FAM9A: variants seen among roughly 807,000 people sequenced by gnomAD.
The protein encoded by FAM9A is protein FAM9A.
A neutral mutation model predicts 25.0 loss-of-function variants in FAM9A; 49 were observed. The ratio of observed to expected loss-of-function variants is 1.96; its 90% CI spans 1.56 to 2.48. FAM9A has a LOEUF of 2.48. Among genes scored for constraint, FAM9A ranks in the 30% most tolerant of loss-of-function variants. The pLI, the probability that FAM9A is intolerant of heterozygous loss-of-function variation, is 0.00. For missense variants in FAM9A, 266 were observed against 249.3 expected, an observed-to-expected ratio of 1.07 and a Z score of -0.45; for synonymous variants, 80 against 85.1, an observed-to-expected ratio of 0.94 and a Z score of 0.33.
chrX:8,792,291 G>A (rs867799884), intron 8 of FAM9A, among the ~76,000 whole-genome samples: 30 of 110,782 alleles, frequency 2.7e-4, no homozygotes, highest in African/African-American at 9.9e-4. Flanking sequence ...GGAAGGGCTA[G>A]GAAGCATTTT....
At chrX:8,800,744 A>G (rs865853875) in intron 1 of FAM9A, among the ~76,000 whole-genome samples, 1 of 12,259 alleles carries the variant, frequency 8.2e-5, no homozygotes. Context: ...CCATCCCCTC[A>G]CCCCACGAAC....
chrX:8,800,276 G>T, intron 1 of FAM9A, 67 bp from the exon 2 acceptor site: 1 of 1,000,394 alleles, frequency 1.0e-6, no homozygotes. Flanking sequence ...GAGCCAACGG[G>T]ATCTCGGATT....
chrX:8,793,764 C>T lies in FAM9A; in HGVS notation c.832-8G>A, dbSNP rs1933495583. On this transcript the variant is annotated splice_region_variant and splice_polypyrimidine_tract_variant and intron_variant, in intron 7 of 9. Coordinates refer to ENST00000381003, the MANE Select transcript of FAM9A (RefSeq NM_174951.3). ...TTTTTCTTGAAATGCTTTCTAGAAG[C>T]ACAAAAAAATAGTGATGAAAATTGG... 1 of 1,161,176 alleles carries T rather than the reference C, an allele frequency of 8.6e-7. No homozygotes were observed. The highest frequency in any genetic ancestry group is 1.8e-5 in the South Asian group (1 of 54,092).
rs754119866 is a variant in FAM9A at position 8,795,268 on chromosome X, GCTGCTGCTGCTGCGGCTT to G, written c.623_640del (p.Glu208_Ala213del). ...TTCGTCTTCTACTACTATTACTTCT[GCTGCTGCTGCTGCGGCTT>G]CTGCTGCTGCTGCGGCTTCTGCTGC... On this transcript the variant is annotated inframe_deletion, in exon 7 of 10. Coordinates refer to ENST00000381003, the MANE Select transcript of FAM9A (RefSeq NM_174951.3). 1,496 of 1,127,860 alleles carry G rather than the reference GCTGCTGCTGCTGCGGCTT, an allele frequency of 1.3e-3. 3 individuals are homozygous for G. Among genetic ancestry groups the G allele is most frequent in the East Asian group, 7.5e-3 (244 of 32,448 alleles). The allele number at this position is 1,127,860 out of a possible 1,213,427, so 92.9% of individuals were successfully genotyped here. A position where few individuals can be genotyped will look rare whatever the true frequency, so the allele number is the denominator to read the frequency against.
chrX:8,791,299 T>C lies in FAM9A; in HGVS notation c.*12A>G, dbSNP rs1379283586. On this transcript the variant is annotated 3_prime_UTR_variant, in exon 9 of 10. Coordinates refer to ENST00000381003, the MANE Select transcript of FAM9A (RefSeq NM_174951.3). ...ACTTACAGTTCTGACACGATTCTTT[T>C]TAAAAACACGGCTAGTTATCAAGTT... 8.4e-7 allele frequency: 1 copy of C among 1,196,330 alleles called. No homozygotes were observed. Among genetic ancestry groups the C allele is most frequent in the African/African-American group, 1.8e-5 (1 of 56,916 alleles).
rs767408984 is a variant in FAM9A, at chrX:8,800,093, C to A, written c.79G>T (p.Ala27Ser). ...CTTGGGCGTGCACCTTCTTTCGTGG[C>A]CCCCTGGGCGGCCGTAACTTGAGCT... ...LEAQVTAAQGATKEGSGIASN... is the reference protein window; with the variant it reads ...LEAQVTAAQGSTKEGSGIASN... Residue 27 changes from alanine (A) to serine (S), a missense_variant, in exon 2 of 10, where the codon GCC becomes TCC. By Grantham distance (99) the Ala-to-Ser change is moderately conservative. Coordinates refer to ENST00000381003, the MANE Select transcript of FAM9A (RefSeq NM_174951.3). 13 of 1,208,537 alleles carry A rather than the reference C, an allele frequency of 1.1e-5. No homozygotes were observed. The highest frequency in any genetic ancestry group is 1.3e-5 in the Non-Finnish European group (12 of 894,044).
intron 8 of FAM9A, 88 bp from the exon 9 acceptor site, chrX:8,791,467 C>T: frequency 1.5e-6 from 1 of 658,925 alleles, no homozygotes; most frequent in Non-Finnish European, 2.2e-6. Flanking sequence ...AAGGAAACAG[C>T]TTTTAATATT....
At position 8,795,175 on chromosome X, in the gene FAM9A, C is replaced by CCTCCTTCTTCTT. The variant is rs779071122; in HGVS notation, c.722_733dup (p.Glu241_Gly244dup). ...TCCTCCTTCTTCTCCTTCTTCTCCT[C>CCTCCTTCTTCTT]CTCCTTCTTCTTCTCCTTCTTCTTC... On this transcript the variant is annotated inframe_insertion, in exon 7 of 10. Transcript: ENST00000381003. 7 of 1,045,619 alleles carry CCTCCTTCTTCTT rather than the reference C, an allele frequency of 6.7e-6. No homozygotes were observed. The highest frequency in any genetic ancestry group is 5.1e-5 in the Admixed American group (2 of 39,475). 86.2% of individuals were successfully genotyped at this position (1,045,619 alleles called of 1,213,427 possible).
At chrX:8,796,758 G>C (rs1312792095) in intron 5 of FAM9A, among the ~76,000 whole-genome samples, 1 of 111,752 alleles carries the variant, frequency 8.9e-6, no homozygotes, top group Non-Finnish European at 1.9e-5. Context: ...AATTCATTAT[G>C]TAAAACATAC....
chrX:8,794,927 G>T, intron 7 of FAM9A, 151 bp downstream of exon 7: 1 of 846,662 alleles, frequency 1.2e-6, no homozygotes. Context: ...ATGCTGCGTG[G>T]CAATTATATT....
chrX:8,799,749 C>T (rs58222058), intron 2 of FAM9A, among the ~76,000 whole-genome samples: 7,692 of 33,751 alleles, frequency 0.23, 1,362 homozygotes, highest in East Asian at 0.41. Context: ...CCTTGCTCCC[C>T]TCTCCACCAC....
chrX:8,798,865 G>A, intron 3 of FAM9A, 101 bp downstream of exon 3: 3 of 1,159,725 alleles, frequency 2.6e-6, no homozygotes, highest in Non-Finnish European at 1.2e-6. Context: ...CCACGAAGGG[G>A]CCAGGGGTCT....
At chrX:8,793,357 T>C (rs1247345969) in intron 8 of FAM9A, among the ~76,000 whole-genome samples, 1 of 112,143 alleles carries the variant, frequency 8.9e-6, no homozygotes, top group African/African-American at 3.2e-5. Flanking sequence ...ACACAAAAAA[T>C]GTGCAGCCTC....
At chrX:8,797,335 ATAAC>A (rs780917321) in intron 5 of FAM9A, among the ~76,000 whole-genome samples, 1 of 111,914 alleles carries the variant, frequency 8.9e-6, no homozygotes, top group South Asian at 3.7e-4. Flanking sequence ...ATATGGTCCT[ATAAC>A]AGTCAGTGCA....
intron 6 of FAM9A, 84 bp downstream of exon 6, chrX:8,796,184 C>T (rs1933530256): frequency 1.3e-6 from 1 of 746,845 alleles, no homozygotes; most frequent in Non-Finnish European, 2.0e-6. Flanking sequence ...CCAATATGTA[C>T]AGGACAGTTT....
At position 8,795,172 on chromosome X, in the gene FAM9A, C is replaced by G. The variant is rs770415269; in HGVS notation, c.737G>C (p.Gly246Ala). The change falls in exon 7 of 10, where the codon GGA (glycine) becomes GCA (alanine). Residue 246 changes from glycine to alanine, a missense_variant. By Grantham distance (60) the Gly-to-Ala change is moderately conservative. Transcript: ENST00000381003. ...EEEEGEEEGG[G>A]EEGEEGGGGG... ...TCCTCCTCCTTCTTCTCCTTCTTCTCCTCCTCCTTCTTCTTCTCCTTCTTC... is the reference window on the plus strand; with the variant it reads ...TCCTCCTCCTTCTTCTCCTTCTTCTGCTCCTCCTTCTTCTTCTCCTTCTTC... The G allele has an allele frequency of 9.6e-7, 1 of 1,041,870 alleles. No individual in the cohort carries two copies. Among genetic ancestry groups the G allele is most frequent in the Non-Finnish European group, 1.3e-6 (1 of 764,514 alleles). The allele number at this position is 1,041,870 out of a possible 1,213,427, so 85.9% of individuals were successfully genotyped here.
chrX:8,795,117 CTCT>C lies in FAM9A; in HGVS notation c.789_791del (p.Glu275del), dbSNP rs764640085. 18 of 1,154,206 alleles carry C rather than the reference CTCT, an allele frequency of 1.6e-5. No individual in the cohort carries two copies. Among genetic ancestry groups the C allele is most frequent in the East Asian group, 9.0e-5 (3 of 33,248 alleles). On this transcript the variant is annotated inframe_deletion, in exon 7 of 10. Coordinates refer to ENST00000381003, the MANE Select transcript of FAM9A (RefSeq NM_174951.3). ...CTTCCTCTTCTTCTTCTTCCTCTTC[CTCT>C]TCTTCTGTTTCTTCTCCTTCTCCTC...
chrX:8,799,555 T>C (rs1336934189), intron 2 of FAM9A, among the ~76,000 whole-genome samples: 2 of 101,359 alleles, frequency 2.0e-5, no homozygotes, highest in Non-Finnish European at 4.0e-5. Context: ...CCACTCGAAC[T>C]GTCCCCCACA....
chrX:8,800,939 G>C (rs1160010010), intron 1 of FAM9A, among the ~76,000 whole-genome samples: 4 of 54,199 alleles, frequency 7.4e-5, no homozygotes, highest in Admixed American at 2.8e-4. Context: ...CACAAGTCCC[G>C]GGGACACTCC....
Sources: gnomAD v4.1 joint callset for allele counts (sites outside exome capture counted in the v4.1 genomes callset) on GRCh38, gnomAD v4.1.1 for gene constraint, MANE v1.5 for transcripts, NCBI Gene and HGNC (gene_info 2026-07-23, HGNC 2026-07-21) for gene names.